The following CDH13 variants were observed in gnomAD, a reference collection of about 807,000 sequenced individuals.
CDH13 encodes cadherin-13.
CDH13 carries 24 observed loss-of-function variants against 63.8 expected under a neutral mutation model. That is an observed-to-expected ratio of 0.38 (90% CI 0.27 to 0.53). The LOEUF is 0.53. Among genes scored for constraint, CDH13 ranks in the 20% least tolerant of loss-of-function variants. CDH13 has a pLI of 0.85. For missense variants in CDH13, 1,049 were observed against 903.1 expected (o/e 1.16, Z -2.07); for synonymous variants, 503 against 355.3 (o/e 1.42, Z -4.67).
At chr16:83,131,468 C>T (rs1413877513) in intron 4 of CDH13, among the ~76,000 whole-genome samples, 1 of 152,012 alleles carries the variant, frequency 6.6e-6, no homozygotes, top group African/African-American at 2.4e-5. Flanking sequence ...TGGCTTTTTC[C>T]CCTCCCCCTT....
intron 1 of CDH13, among the ~76,000 whole-genome samples, chr16:82,638,341 T>G (rs1473582081): frequency 6.6e-6 from 1 of 152,174 alleles, no homozygotes; most frequent in Non-Finnish European, 1.5e-5. Flanking sequence ...TGAGCTTGAA[T>G]CCCTGCCCAG....
chr16:83,302,906 G>A (rs562575109), intron 5 of CDH13, among the ~76,000 whole-genome samples: 4 of 152,330 alleles, frequency 2.6e-5, no homozygotes, highest in African/African-American at 9.6e-5. Context: ...TGGGAGGTCA[G>A]AGGAAGGGCA....
chr16:83,756,792 A>G (rs891735026), intron 11 of CDH13, among the ~76,000 whole-genome samples: 1 of 152,284 alleles, frequency 6.6e-6, no homozygotes, highest in African/African-American at 2.4e-5. Flanking sequence ...CCAAATATAC[A>G]GAGCAGAGAA....
At chr16:83,469,447 G>GA (rs2073400404) in intron 6 of CDH13, among the ~76,000 whole-genome samples, 1 of 152,156 alleles carries the variant, frequency 6.6e-6, no homozygotes, top group Non-Finnish European at 1.5e-5. Flanking sequence ...ATTCATACAG[G>GA]AAAAACATAT....
intron 6 of CDH13, among the ~76,000 whole-genome samples, chr16:83,412,181 G>A (rs1597960675): frequency 6.6e-6 from 1 of 152,182 alleles, no homozygotes; most frequent in South Asian, 2.1e-4. Flanking sequence ...GTCTACAAAG[G>A]CCAGGCATGG....
chr16:82,873,317 G>T (rs1351543517), intron 2 of CDH13, among the ~76,000 whole-genome samples: 1 of 152,178 alleles, frequency 6.6e-6, no homozygotes, highest in Non-Finnish European at 1.5e-5. Flanking sequence ...ATAGATAGGG[G>T]TATAAAGATT....
In CDH13 at chr16:82,810,440, C is replaced by A. The variant is rs2169450; in HGVS notation, c.46-47922C>A. On this transcript the variant is annotated intron_variant, in intron 1 of 13. Transcript: ENST00000567109. ...AATCCTTGGGAACTTTAATCGTCTC[C>A]TCAATAATTCTCATTTTGAGAGGAT... Among the ~76,000 whole-genome samples, 4 of 152,124 alleles carry A rather than the reference C, an allele frequency of 2.6e-5. No individual in the cohort carries two copies. The East Asian group carries it at 7.8e-4, about 30-fold the overall frequency.
chr16:83,057,326 G>C (rs1054371293), intron 3 of CDH13, among the ~76,000 whole-genome samples: 8 of 152,188 alleles, frequency 5.3e-5, no homozygotes, highest in African/African-American at 1.9e-4. Flanking sequence ...CCTTTGAAAA[G>C]GTGATGACTG....
chr16:82,794,456 T>A (rs2036482015), intron 1 of CDH13, among the ~76,000 whole-genome samples: 1 of 150,516 alleles, frequency 6.6e-6, no homozygotes, highest in African/African-American at 2.4e-5. Context: ...AATCTAGGGG[T>A]GGAGTAGAGA....
At chr16:82,811,874 C>G (rs1195810268) in intron 1 of CDH13, among the ~76,000 whole-genome samples, 1 of 152,020 alleles carries the variant, frequency 6.6e-6, no homozygotes, top group African/African-American at 2.4e-5. Context: ...CAGAAGGGCC[C>G]AGGTTTAGGG....
At chr16:83,045,424 A>G (rs944579744) in intron 3 of CDH13, among the ~76,000 whole-genome samples, 20 of 151,978 alleles carry the variant, frequency 1.3e-4, no homozygotes, top group Non-Finnish European at 2.9e-5. Context: ...GGATCACGAT[A>G]TCAGGAGTTC....
At chr16:83,677,887 C>T (rs1915093188) in intron 9 of CDH13, among the ~76,000 whole-genome samples, 2 of 152,024 alleles carry the variant, frequency 1.3e-5, no homozygotes, top group African/African-American at 4.8e-5. Flanking sequence ...CACTAAGGTT[C>T]AAGTCACTCA....
At chr16:82,841,709 A>C (rs943701771) in intron 1 of CDH13, among the ~76,000 whole-genome samples, 1 of 152,078 alleles carries the variant, frequency 6.6e-6, no homozygotes, top group African/African-American at 2.4e-5. Flanking sequence ...GGAAAGAGCA[A>C]AGCTGTACTT....
intron 1 of CDH13, among the ~76,000 whole-genome samples, chr16:82,716,332 C>T (rs746268285): frequency 2.0e-5 from 3 of 152,018 alleles, no homozygotes; most frequent in Non-Finnish European, 4.4e-5. Flanking sequence ...GGGAATTCTC[C>T]ATGTCACCTT....
intron 1 of CDH13, among the ~76,000 whole-genome samples, chr16:82,802,857 A>G (rs2036934216): frequency 6.6e-6 from 1 of 152,194 alleles, no homozygotes; most frequent in Admixed American, 6.5e-5. Context: ...ACAGTCACAA[A>G]GGACTCTCTG....
chr16:82,768,954 T>A (rs535989186), intron 1 of CDH13, among the ~76,000 whole-genome samples: 2 of 152,294 alleles, frequency 1.3e-5, no homozygotes, highest in East Asian at 3.9e-4. Context: ...TGGGCACAAA[T>A]GTTCAAGAAT....
At position 82,780,254 on chromosome 16, in the gene CDH13, G is replaced by A. The variant is rs1481200173; in HGVS notation, c.46-78108G>A. ...CAACATTGGTTTACTTGAAAGCTCT[G>A]TCTCCACTCTCCCTACAAAAATTCA... On this transcript the variant is annotated intron_variant, in intron 1 of 13. Transcript: ENST00000567109. Among the ~76,000 whole-genome samples, 4 of 152,284 alleles carry A rather than the reference G, an allele frequency of 2.6e-5. No homozygotes were observed. The East Asian group carries it at 7.7e-4, about 29-fold the overall frequency.
chr16:83,435,974 G>C (rs1301870472), intron 6 of CDH13, among the ~76,000 whole-genome samples: 1 of 152,194 alleles, frequency 6.6e-6, no homozygotes, highest in Non-Finnish European at 1.5e-5. Flanking sequence ...TTGAGAGTTT[G>C]TCCATGATCC....
intron 8 of CDH13, among the ~76,000 whole-genome samples, chr16:83,625,550 A>G (rs1910221193): frequency 6.6e-6 from 1 of 152,138 alleles, no homozygotes; most frequent in South Asian, 2.1e-4. Flanking sequence ...TCCCTGTCCC[A>G]AGATTTGTTC....
Sources: allele counts gnomAD v4.1 joint callset (sites outside exome capture counted in the v4.1 genomes callset), GRCh38; gene constraint gnomAD v4.1.1; transcripts MANE v1.5; gene names NCBI Gene and HGNC (gene_info 2026-07-23, HGNC 2026-07-21).